Variants in CD81 observed in about 807,000 individuals in gnomAD.
The protein encoded by CD81 is CD81 molecule.
CD81 carries 10 observed loss-of-function variants against 30.1 expected under a neutral mutation model. That is an observed-to-expected ratio of 0.33 (90% confidence interval 0.21 to 0.56). CD81 has a LOEUF of 0.56. CD81 is among the 20% of genes least tolerant of loss of function. The pLI, the probability that CD81 is intolerant of heterozygous loss-of-function variation, is 0.89. For missense variants in CD81, 263 were observed against 308.7 expected (o/e 0.85, Z 1.11); for synonymous variants, 147 against 126.4 (o/e 1.16, Z -1.10).
At chr11:2,383,742 C>T (rs1202262508) in intron 1 of CD81, among the ~76,000 whole-genome samples, 1 of 152,272 alleles carries the variant, frequency 6.6e-6, no homozygotes, top group Non-Finnish European at 1.5e-5. Context: ...GATGCCCAGC[C>T]TGTACGTAAA....
rs1850030813 is a variant in CD81 at position 2,397,270 on chromosome 11, G to A, written c.*404G>A. 1.0e-5 allele frequency: 3 copies of A among 288,122 alleles called. No individual in the cohort carries two copies. Among genetic ancestry groups the A allele is most frequent in the Admixed American group, 4.9e-5 (1 of 20,402 alleles). The allele number at this position is 288,122 out of a possible 1,614,324, so 17.8% of individuals were successfully genotyped here. Reference sequence around the variant, plus strand: ...AGCTCACCTTGTTCCCTCCTGCCCCGGTTCGAGAGCCGAGTCTGTGGGCAC... The same window carrying A: ...AGCTCACCTTGTTCCCTCCTGCCCCAGTTCGAGAGCCGAGTCTGTGGGCAC... On this transcript the variant is annotated 3_prime_UTR_variant, in exon 8 of 8. Coordinates refer to ENST00000263645, the MANE Select transcript of CD81 (RefSeq NM_004356.4).
Position 2,395,085 on chromosome 11 carries a change from C to T in CD81, c.354+39C>T, listed in dbSNP as rs927575900. ...TGCAGGGACAGGGTGGGGTGGGTGA[C>T]GGGGGCACCCTCCTCTCCTGTCGCG... is the stretch of plus-strand genomic sequence containing the variant. On this transcript the variant is annotated intron_variant, in intron 4 of 7. Coordinates refer to ENST00000263645, the MANE Select transcript of CD81 (RefSeq NM_004356.4). The T allele has an allele frequency of 2.1e-4, 311 of 1,510,696 alleles. 5 individuals are homozygous for T. The highest frequency in any genetic ancestry group is 1.9e-3 in the South Asian group (170 of 89,012). 93.6% of individuals were successfully genotyped at this position (1,510,696 alleles called of 1,614,324 possible).
intron 6 of CD81, 22 bp from the exon 7 acceptor site, chr11:2,396,606 G>C (rs373009381): frequency 6.2e-7 from 1 of 1,602,712 alleles, no homozygotes; most frequent in East Asian, 2.2e-5. Flanking sequence ...CCCTGACCAC[G>C]CGTGCCTGGC....
chr11:2,396,466 C>T (rs180842418), intron 6 of CD81, 162 bp from the exon 7 acceptor site: 41 of 695,356 alleles, frequency 5.9e-5, no homozygotes, highest in African/African-American at 4.9e-4. Context: ...CGGCAGAGGC[C>T]GGGCCGCTGC....
rs34400531 is a variant in CD81, at chr11:2,390,423, C to A, written c.78C>A (p.Gly26=). The A allele has an allele frequency of 9.0e-4, 1,458 of 1,612,354 alleles. 10 individuals carry two copies. Among genetic ancestry groups the A allele is most frequent in the Middle Eastern group, 9.9e-4 (6 of 6,050 alleles). The part of the protein sequence containing the change: ...VFNFVFWLAG[G]VILGVALWLR... ...CCGCTCTTTCCCAGCTGGCTGGAGG[C>A]GTGATCCTGGGTGTGGCCCTGTGGC... The change falls in exon 2 of 8, where the codon GGC becomes GGA. Residue 26 remains glycine, a synonymous_variant. Coordinates refer to ENST00000263645, the MANE Select transcript of CD81 (RefSeq NM_004356.4).
chr11:2,383,922 C>T (rs1589846922), intron 1 of CD81, among the ~76,000 whole-genome samples: 1 of 152,120 alleles, frequency 6.6e-6, no homozygotes, highest in African/African-American at 2.4e-5. Flanking sequence ...AGAGCTCCCA[C>T]CCGAAGTTCT....
Position 2,397,121 on chromosome 11 carries a change from C to T in CD81, c.*255C>T. On this transcript the variant is annotated 3_prime_UTR_variant, in exon 8 of 8. Coordinates refer to ENST00000263645, the MANE Select transcript of CD81 (RefSeq NM_004356.4). ...GACTGGAGGGCAGGGGTCCTTCTGC[C>T]CTGGGGTCCCAGGGTGCTCTGCCTG... The T allele has an allele frequency of 3.7e-6, 2 of 540,570 alleles. No individual in the cohort carries two copies. The highest frequency in any genetic ancestry group is 6.7e-6 in the Non-Finnish European group (2 of 299,486). 33.5% of individuals were successfully genotyped at this position (540,570 alleles called of 1,614,324 possible).
At chr11:2,385,995 T>C in intron 1 of CD81, 1 of 709,488 alleles carries the variant, frequency 1.4e-6, no homozygotes, top group South Asian at 1.5e-5. Flanking sequence ...TGCCAAACTG[T>C]TATTCAAGGT....
At position 2,388,600 on chromosome 11, in the gene CD81, G is replaced by T. The variant is rs1417599617; in HGVS notation, c.67-1812G>T. 2.6e-5 allele frequency among the ~76,000 whole-genome samples: 4 copies of T among 152,232 alleles called. No homozygotes were observed. In the East Asian group the frequency reaches 7.7e-4, roughly 29 times the overall value. On this transcript the variant is annotated intron_variant, in intron 1 of 7. Transcript: ENST00000263645. Reference sequence around the variant, plus strand: ...TGGGGTCGGCGCCTGGTGCTGGTGAGGCAAGGCCTCAGCTGCTGGGACAGG... The same window carrying T: ...TGGGGTCGGCGCCTGGTGCTGGTGATGCAAGGCCTCAGCTGCTGGGACAGG...
At chr11:2,387,237 G>A (rs1478224132) in intron 1 of CD81, among the ~76,000 whole-genome samples, 1 of 152,134 alleles carries the variant, frequency 6.6e-6, no homozygotes, top group Admixed American at 6.5e-5. Context: ...GGACACTGAG[G>A]AACCGGGAGC....
intron 5 of CD81, 75 bp from the exon 6 acceptor site, chr11:2,395,794 C>A: frequency 9.9e-7 from 1 of 1,014,106 alleles, no homozygotes; most frequent in Non-Finnish European, 1.6e-6. Flanking sequence ...CCCTGGCCAC[C>A]TCCCCATGGG....
At chr11:2,392,294 CAG>C (rs1371656499) in intron 2 of CD81, 1 of 152,286 alleles carries the variant, frequency 6.6e-6, no homozygotes, top group African/African-American at 2.4e-5. Context: ...GGGGCGAGGA[CAG>C]GGGACACCCC....
chr11:2,393,765 G>A, intron 2 of CD81: 1 of 607,914 alleles, frequency 1.6e-6, no homozygotes, highest in South Asian at 1.9e-5. Context: ...GGTGCAGGCG[G>A]TGGGTGGTGG....
At chr11:2,395,343 G>T in intron 4 of CD81, 73 bp from the exon 5 acceptor site, 1 of 1,253,478 alleles carries the variant, frequency 8.0e-7, no homozygotes, top group East Asian at 2.4e-5. Context: ...AAGTGCGTCC[G>T]CCTGGGGCGG....
At chr11:2,389,032 C>A (rs1849848070) in intron 1 of CD81, among the ~76,000 whole-genome samples, 1 of 152,172 alleles carries the variant, frequency 6.6e-6, no homozygotes, top group Admixed American at 6.5e-5. Flanking sequence ...AAGCCTGACC[C>A]ACCCAGACTG....
intron 1 of CD81, among the ~76,000 whole-genome samples, chr11:2,388,201 C>T (rs752117647): frequency 7.9e-5 from 12 of 152,216 alleles, no homozygotes; most frequent in Middle Eastern, 3.2e-3. Flanking sequence ...CGCTTGCTAC[C>T]ACGCCCAGCC....
chr11:2,393,519 C>T (rs907675577), intron 2 of CD81: 12 of 252,188 alleles, frequency 4.8e-5, no homozygotes, highest in African/African-American at 2.2e-4. Context: ...ATGCAGGTCC[C>T]GTAACGGAAG....
chr11:2,396,911 G>A lies in CD81; in HGVS notation c.*45G>A, dbSNP rs770043232. 1 of 1,584,524 alleles carries A rather than the reference G, an allele frequency of 6.3e-7. No homozygotes were observed. The highest frequency in any genetic ancestry group is 8.6e-7 in the Non-Finnish European group (1 of 1,156,362). ...CAGGGACCTCTGCAGTGCCCCCTAA[G>A]TGACCCGGACACTTCCGAGGGGGCC... On this transcript the variant is annotated 3_prime_UTR_variant, in exon 8 of 8. Transcript: ENST00000263645.
intron 1 of CD81, among the ~76,000 whole-genome samples, chr11:2,381,435 C>T (rs1849702839): frequency 6.6e-6 from 1 of 152,228 alleles, no homozygotes; most frequent in African/African-American, 2.4e-5. Flanking sequence ...GCGCCCAGTT[C>T]AGCTCAACTT....
Sources: allele counts gnomAD v4.1 joint callset (sites outside exome capture counted in the v4.1 genomes callset), GRCh38; gene constraint gnomAD v4.1.1; transcripts MANE v1.5; gene names NCBI Gene and HGNC (gene_info 2026-07-23, HGNC 2026-07-21).